The following PPIL6 variants were observed in gnomAD, a reference collection of about 807,000 sequenced individuals.
PPIL6 encodes the protein probable inactive peptidyl-prolyl cis-trans isomerase-like 6.
PPIL6 carries 39 observed loss-of-function variants against 36.8 expected under a neutral mutation model. The ratio of observed to expected loss-of-function variants is 1.06; its 90% CI spans 0.82 to 1.38. The LOEUF (loss-of-function observed/expected upper bound fraction) is 1.38, where lower values mean the gene tolerates loss of function less well. Ranked by LOEUF, PPIL6 falls within the 40% of genes most tolerant of loss-of-function variation. The pLI, the probability that PPIL6 is intolerant of heterozygous loss-of-function variation, is 0.00. For synonymous variants in PPIL6, 123 were observed against 134.1 expected (o/e 0.92, Z 0.57); for missense variants, 368 against 379.1 (o/e 0.97, Z 0.24).
In PPIL6 at chr6:109,431,265, A is replaced by C. The variant is rs1362936836; in HGVS notation, c.312T>G (p.Asp104Glu). 1.2e-6 allele frequency: 2 copies of C among 1,613,392 alleles called. No homozygotes were observed. The highest frequency in any genetic ancestry group is 2.2e-5 in the South Asian group (2 of 91,064). Residue 104 changes from aspartate to glutamate, a missense_variant, in exon 3 of 8, where the codon GAT (aspartate) becomes GAG (glutamate). Asp to Glu is a conservative substitution (Grantham distance 45, BLOSUM62 2). Transcript: ENST00000521072. Reference protein sequence around the residue: ...VNGQFLGDALDLQKWAHEVWD... With the variant: ...VNGQFLGDALELQKWAHEVWD... ...ACACCTCGTGGGCCCATTTCTGCAG[A>C]TCCAATGCATCACCCAGAAACTGAC...
chr6:109,436,690 C>A (rs12213313), intron 1 of PPIL6, among the ~76,000 whole-genome samples: 16 of 151,920 alleles, frequency 1.1e-4, no homozygotes, highest in African/African-American at 3.9e-4. Flanking sequence ...CACTGCACTC[C>A]AGCCTGGGTG....
intron 6 of PPIL6, among the ~76,000 whole-genome samples, chr6:109,401,888 T>C (rs917983934): frequency 6.6e-6 from 1 of 151,966 alleles, no homozygotes; most frequent in Admixed American, 6.6e-5. Flanking sequence ...CACGCCCGGC[T>C]AATTTTTTGT....
upstream of PPIL6, chr6:109,440,711 C>T: frequency 1.7e-6 from 1 of 586,484 alleles, no homozygotes; most frequent in Non-Finnish European, 2.2e-6. Context: ...CGGCCCGTGG[C>T]GGCTGGGCCT....
rs1167730314 is a variant in PPIL6 at position 109,400,091 on chromosome 6, T to C, written c.768A>G (p.Gln256=). The part of the protein sequence containing the change: ...ANKGRHSNGS[Q]FYITLQATPY... ...GAGTTGCTTGCAGTGTGATATAGAA[T>C]TGTGACCCGTTGCTGTGACGGCCTT... is the stretch of plus-strand genomic sequence containing the variant. The change falls in exon 7 of 8, where the codon CAA becomes CAG. Residue 256 remains glutamine (Q), a synonymous_variant. Transcript: ENST00000521072. The C allele has an allele frequency of 2.5e-6, 4 of 1,613,836 alleles. No homozygotes were observed. In the Admixed American group the frequency reaches 6.7e-5, roughly 27 times the overall value.
intron 2 of PPIL6, among the ~76,000 whole-genome samples, chr6:109,435,579 G>A (rs1338811814): frequency 1.3e-5 from 2 of 151,746 alleles, no homozygotes. Context: ...TACAGGTGTG[G>A]GCCACCACAC....
At chr6:109,400,579 C>A (rs1354620740) in intron 6 of PPIL6, among the ~76,000 whole-genome samples, 1 of 152,152 alleles carries the variant, frequency 6.6e-6, no homozygotes, top group East Asian at 1.9e-4. Context: ...CCTGACCTTT[C>A]CCCCGAACCC....
At chr6:109,402,208 C>G (rs1288265665) in intron 6 of PPIL6, among the ~76,000 whole-genome samples, 1 of 152,128 alleles carries the variant, frequency 6.6e-6, no homozygotes, top group East Asian at 1.9e-4. Context: ...AAACTGCTAC[C>G]TATGTGAAAA....
At chr6:109,404,452 C>T (rs963557771) in intron 6 of PPIL6, among the ~76,000 whole-genome samples, 15 of 152,242 alleles carry the variant, frequency 9.9e-5, no homozygotes, top group African/African-American at 2.7e-4. Flanking sequence ...ACTCTCCAGG[C>T]AGCTATTCTT....
intron 6 of PPIL6, among the ~76,000 whole-genome samples, chr6:109,402,116 A>AT (rs1772575441): frequency 6.6e-6 from 1 of 152,182 alleles, no homozygotes; most frequent in African/African-American, 2.4e-5. Context: ...GGGAAAGAAA[A>AT]TTGATGAGTT....
chr6:109,421,708 T>C (rs1212403488), intron 5 of PPIL6, among the ~76,000 whole-genome samples: 4 of 152,164 alleles, frequency 2.6e-5, no homozygotes, highest in African/African-American at 9.6e-5. Context: ...TTCTATTTGA[T>C]AACATAAAAC....
intron 1 of PPIL6, among the ~76,000 whole-genome samples, chr6:109,436,529 C>T (rs924850409): frequency 1.3e-5 from 2 of 152,042 alleles, no homozygotes; most frequent in African/African-American, 4.8e-5. Flanking sequence ...ACCAGCCTGG[C>T]CAACATGGCA....
intron 6 of PPIL6, among the ~76,000 whole-genome samples, chr6:109,410,902 G>A (rs986370311): frequency 4.6e-5 from 7 of 152,070 alleles, no homozygotes; most frequent in African/African-American, 9.7e-5. Context: ...CACCCCCATC[G>A]GAACAGGGGA....
chr6:109,435,425 G>A (rs1240948090), intron 2 of PPIL6, among the ~76,000 whole-genome samples: 4 of 151,304 alleles, frequency 2.6e-5, no homozygotes, highest in African/African-American at 9.7e-5. Context: ...AGCCTCCAAA[G>A]TAGCTGGGAT....
intron 3 of PPIL6, among the ~76,000 whole-genome samples, chr6:109,430,050 CAG>C (rs1774049397): frequency 6.6e-6 from 1 of 152,222 alleles, no homozygotes; most frequent in Admixed American, 6.5e-5. Context: ...CCCCACACCC[CAG>C]AGTTTCTAGC....
chr6:109,437,862 A>C (rs577732475), intron 1 of PPIL6, among the ~76,000 whole-genome samples: 1 of 151,872 alleles, frequency 6.6e-6, no homozygotes, highest in Non-Finnish European at 1.5e-5. Context: ...GAGCCACCGC[A>C]CCTGGCCCGG....
Position 109,401,788 on chromosome 6 carries a change from G to A in PPIL6, c.689-1618C>T, listed in dbSNP as rs12665168. ...TGCCCAGGCTGGAGTGCAGTGGCGC[G>A]GTCTTGGTTCACTGCAAGCTGCGCC... is the stretch of plus-strand genomic sequence containing the variant. On this transcript the variant is annotated intron_variant, in intron 6 of 7. Coordinates refer to ENST00000521072, the MANE Select transcript of PPIL6 (RefSeq NM_173672.5). 4.9e-3 allele frequency among the ~76,000 whole-genome samples: 638 copies of A among 131,242 alleles called. 25 individuals are homozygous for A. In the East Asian group the frequency reaches 0.1, roughly 21 times the overall value. The allele number at this position is 131,242 out of a possible 152,430, so 86.1% of individuals were successfully genotyped here. A position where few individuals can be genotyped will look rare whatever the true frequency, so the allele number is the denominator to read the frequency against.
intron 1 of PPIL6, among the ~76,000 whole-genome samples, chr6:109,439,861 T>A (rs944369088): frequency 6.6e-6 from 1 of 152,204 alleles, no homozygotes; most frequent in African/African-American, 2.4e-5. Flanking sequence ...GCATGACTGA[T>A]CTGGCCAAAT....
chr6:109,392,863 A>T lies in PPIL6; in HGVS notation c.899T>A (p.Met300Lys). Residue 300 changes from methionine to lysine, a missense_variant, in exon 8 of 8, where the codon ATG becomes AAG. Coordinates refer to ENST00000521072, the MANE Select transcript of PPIL6 (RefSeq NM_173672.5). ...VPTQNERPIH[M>K]CRITDSGDPY... is the part of the protein sequence containing the mutation. ...ATCTCCACTGTCAGTAATTCTACAC[A>T]TATGTATTGGTCTTTCATTCTGTGT... 2.5e-6 allele frequency: 4 copies of T among 1,603,886 alleles called. No individual in the cohort carries two copies. In the South Asian group the frequency reaches 4.4e-5, roughly 18 times the overall value.
chr6:109,411,800 A>G (rs1773024157), intron 6 of PPIL6, among the ~76,000 whole-genome samples: 1 of 152,228 alleles, frequency 6.6e-6, no homozygotes, highest in Non-Finnish European at 1.5e-5. Flanking sequence ...CCGTTACAAC[A>G]GGTATCCAGA....
Sources: gnomAD v4.1 joint callset for allele counts (sites outside exome capture counted in the v4.1 genomes callset) on GRCh38, gnomAD v4.1.1 for gene constraint, MANE v1.5 for transcripts, NCBI Gene and HGNC (gene_info 2026-07-23, HGNC 2026-07-21) for gene names.